The following SYNPO2 variants were observed in gnomAD, a reference collection of about 807,000 sequenced individuals.
SYNPO2 encodes the protein synaptopodin 2, also known as synaptopodin-2.
Under a neutral mutation model 85.0 loss-of-function variants are expected in SYNPO2, and 56 were observed. The observed-to-expected ratio is 0.66, with a 90% confidence interval of 0.53 to 0.82. The LOEUF (loss-of-function observed/expected upper bound fraction) is 0.82, where lower values mean the gene tolerates loss of function less well. SYNPO2 is among the 40% of genes least tolerant of loss of function. SYNPO2 has a pLI of 0.00. For synonymous variants in SYNPO2, 602 were observed against 591.1 expected (o/e 1.02, Z -0.27); for missense variants, 1,575 against 1,534.2 (o/e 1.03, Z -0.44).
At chr4:118,997,317 C>G (rs866890336) in intron 1 of SYNPO2, among the ~76,000 whole-genome samples, 1 of 151,584 alleles carries the variant, frequency 6.6e-6, no homozygotes, top group Non-Finnish European at 1.5e-5. Flanking sequence ...TAAGATCTCT[C>G]AAGATGGCCT....
At chr4:118,937,373 C>T (rs900746469) in intron 1 of SYNPO2, among the ~76,000 whole-genome samples, 18 of 152,152 alleles carry the variant, frequency 1.2e-4, no homozygotes, top group South Asian at 2.1e-4. Context: ...GCCTGACAAA[C>T]TCCTACTCAT....
Position 118,908,472 on chromosome 4 carries a change from A to G in SYNPO2, c.105+19331A>G, listed in dbSNP as rs372995076. Among the ~76,000 whole-genome samples, 27 of 152,276 alleles carry G rather than the reference A, an allele frequency of 1.8e-4. No homozygotes were observed. In the East Asian group the frequency reaches 5.0e-3, roughly 28 times the overall value. On this transcript the variant is annotated intron_variant, in intron 1 of 4. Transcript: ENST00000307142. Reference sequence around the variant, plus strand: ...TTGAAAAAATTTTTGATAGAAGAAAATTCTCACATTTTAGTTCGATTAGAT... The same window carrying G: ...TTGAAAAAATTTTTGATAGAAGAAAGTTCTCACATTTTAGTTCGATTAGAT...
chr4:118,977,475 G>T (rs1200924817), intron 1 of SYNPO2, among the ~76,000 whole-genome samples: 1 of 152,238 alleles, frequency 6.6e-6, no homozygotes, highest in Non-Finnish European at 1.5e-5. Context: ...TCCGGCCTTG[G>T]ACAGCCCAGA....
At chr4:118,914,491 G>A (rs1238332392) in intron 1 of SYNPO2, among the ~76,000 whole-genome samples, 1 of 152,122 alleles carries the variant, frequency 6.6e-6, no homozygotes, top group Non-Finnish European at 1.5e-5. Context: ...TTTCTGGTAA[G>A]TTTAAAAAGG....
intron 1 of SYNPO2, among the ~76,000 whole-genome samples, chr4:118,922,518 A>C (rs943611174): frequency 6.6e-6 from 1 of 151,916 alleles, no homozygotes; most frequent in African/African-American, 2.4e-5. Flanking sequence ...GTAGTCAAAC[A>C]GGTTTTGCTC....
At chr4:118,953,093 T>G (rs1404993190) in intron 1 of SYNPO2, among the ~76,000 whole-genome samples, 2 of 152,108 alleles carry the variant, frequency 1.3e-5, no homozygotes, top group Admixed American at 6.6e-5. Flanking sequence ...CTAACAGAAG[T>G]GACCTTGGAA....
intron 1 of SYNPO2, among the ~76,000 whole-genome samples, chr4:118,931,378 A>G (rs1733929285): frequency 6.6e-6 from 1 of 152,190 alleles, no homozygotes. Context: ...TCAATTTGTG[A>G]AAACAATTCC....
At chr4:118,991,892 G>T (rs1038662006) in intron 1 of SYNPO2, among the ~76,000 whole-genome samples, 1 of 152,208 alleles carries the variant, frequency 6.6e-6, no homozygotes, top group East Asian at 1.9e-4. Flanking sequence ...CTTGGCTGAG[G>T]AAGTGAAAGT....
In SYNPO2 at chr4:119,023,436, A is replaced by T; in HGVS notation, c.112A>T (p.Asn38Tyr). ...CTTTTTTTACTCCACTCAGATTCGA[A>T]ATCAGAGCAAAGCCTCTGGGTCTGG... ...KQPLQVAKIR[N>Y]QSKASGSGLC... Residue 38 changes from asparagine (N) to tyrosine (Y), a missense_variant, in exon 2 of 5, where the codon AAT (asparagine) becomes TAT (tyrosine). Asn to Tyr is a moderately radical substitution (Grantham distance 143). This residue lies in a region of SYNPO2 where 55 missense variants were observed against 55.5 expected (regional missense o/e 0.99). Coordinates refer to ENST00000307142, the MANE Select transcript of SYNPO2 (RefSeq NM_133477.3). The T allele has an allele frequency of 6.2e-7, 1 of 1,606,428 alleles. No homozygotes were observed. Among genetic ancestry groups the T allele is most frequent in the Non-Finnish European group, 8.5e-7 (1 of 1,177,428 alleles).
chr4:119,052,982 A>G (rs1386053749), intron 4 of SYNPO2, among the ~76,000 whole-genome samples: 1 of 152,176 alleles, frequency 6.6e-6, no homozygotes, highest in African/African-American at 2.4e-5. Context: ...AAAATATTAA[A>G]TTCCCTTGAT....
intron 1 of SYNPO2, among the ~76,000 whole-genome samples, chr4:118,862,119 G>T (rs1731621693): frequency 6.6e-6 from 1 of 152,018 alleles, no homozygotes; most frequent in Non-Finnish European, 1.5e-5. Context: ...TTATTTTCTT[G>T]ATTTCTTTTT....
intron 4 of SYNPO2, chr4:119,032,394 T>G: frequency 2.6e-6 from 3 of 1,171,910 alleles, no homozygotes; most frequent in Non-Finnish European, 3.2e-6. Context: ...TCAGCCTTTA[T>G]GTAACATAAC....
intron 3 of SYNPO2, among the ~76,000 whole-genome samples, chr4:119,028,224 T>G (rs1738058648): frequency 3.4e-5 from 1 of 29,584 alleles, no homozygotes; most frequent in Admixed American, 4.3e-4. Flanking sequence ...TTTTGTTTGT[T>G]TTTTTTTTTT....
chr4:119,057,373 G>A (rs941489573), intron 4 of SYNPO2, 28 bp from the exon 5 acceptor site: 1 of 1,537,868 alleles, frequency 6.5e-7, no homozygotes, highest in African/African-American at 1.4e-5. Flanking sequence ...AAATGAATGA[G>A]ATATATTAAT....
At chr4:119,002,276 T>C (rs1441031937) in intron 1 of SYNPO2, among the ~76,000 whole-genome samples, 1 of 152,152 alleles carries the variant, frequency 6.6e-6, no homozygotes, top group African/African-American at 2.4e-5. Context: ...TTTTTTTTCT[T>C]CTGAGATGGA....
intron 1 of SYNPO2, among the ~76,000 whole-genome samples, chr4:118,863,554 T>G (rs1731649603): frequency 6.6e-6 from 1 of 152,206 alleles, no homozygotes; most frequent in African/African-American, 2.4e-5. Context: ...CTCTTTTTTC[T>G]TACTCTGCTA....
intron 4 of SYNPO2, among the ~76,000 whole-genome samples, chr4:119,046,353 C>T (rs1738867342): frequency 6.6e-6 from 1 of 152,142 alleles, no homozygotes; most frequent in South Asian, 2.1e-4. Context: ...TATTTTGGCC[C>T]ACTTAGACCT....
intron 1 of SYNPO2, among the ~76,000 whole-genome samples, chr4:118,889,581 T>G (rs1560827420): frequency 6.6e-6 from 1 of 152,196 alleles, no homozygotes; most frequent in Non-Finnish European, 1.5e-5. Context: ...GTGTTGGTAG[T>G]GACATTTATT....
intron 1 of SYNPO2, among the ~76,000 whole-genome samples, chr4:119,022,928 C>T (rs1737794571): frequency 6.6e-6 from 1 of 151,866 alleles, no homozygotes; most frequent in Non-Finnish European, 1.5e-5. Flanking sequence ...AGGCGCACAC[C>T]ACCATGCCCA....
Sources: gnomAD v4.1 joint callset for allele counts (sites outside exome capture counted in the v4.1 genomes callset) on GRCh38, gnomAD v4.1.1 for gene constraint, gnomAD v4.1.1 regional missense constraint, MANE v1.5 for transcripts, NCBI Gene and HGNC (gene_info 2026-07-23, HGNC 2026-07-21) for gene names.